ENTREP2: variants seen among roughly 807,000 people sequenced by gnomAD.
The protein encoded by ENTREP2 is endosomal transmembrane epsin interactor 2, also known as protein ENTREP2.
chr15:29,394,882 C>CTTT, the ENTREP2 span, among the ~76,000 whole-genome samples: 89 of 95,776 alleles, frequency 9.3e-4, no homozygotes, highest in East Asian at 5.6e-3. Context: ...GTCAGAATCT[C>CTTT]TTTTTTTTTT....
chr15:29,463,986 A>G, the ENTREP2 span, among the ~76,000 whole-genome samples: 1 of 152,218 alleles, frequency 6.6e-6, no homozygotes. Context: ...GATGCCACTC[A>G]TATGAGTTGC....
the ENTREP2 span, among the ~76,000 whole-genome samples, chr15:29,320,834 CAAGA>C: frequency 2.6e-5 from 4 of 151,746 alleles, no homozygotes; most frequent in South Asian, 8.3e-4. Context: ...AACTAAAGTG[CAAGA>C]AAGAATGAGA....
At chr15:29,543,432 G>A in the ENTREP2 span, among the ~76,000 whole-genome samples, 5 of 152,150 alleles carry the variant, frequency 3.3e-5, no homozygotes, top group Non-Finnish European at 5.9e-5. Flanking sequence ...ATGTTTGATG[G>A]GAGAATTTTT....
the ENTREP2 span, among the ~76,000 whole-genome samples, chr15:29,456,227 T>C: frequency 6.6e-6 from 1 of 152,154 alleles, no homozygotes; most frequent in East Asian, 1.9e-4. Context: ...TGGTATAGTA[T>C]TAATAGTAAA....
At chr15:29,671,742 A>T in the ENTREP2 span, among the ~76,000 whole-genome samples, 1 of 152,074 alleles carries the variant, frequency 6.6e-6, no homozygotes, top group Non-Finnish European at 1.5e-5. Context: ...TGAGCCACTC[A>T]TTTCCCCTGA....
chr15:29,540,888 C>T, the ENTREP2 span, among the ~76,000 whole-genome samples: 1 of 152,202 alleles, frequency 6.6e-6, no homozygotes, highest in African/African-American at 2.4e-5. Context: ...GAAAAGCAGA[C>T]AAGTTAGTCC....
chr15:29,154,683 G>C, the ENTREP2 span, among the ~76,000 whole-genome samples: 1 of 152,212 alleles, frequency 6.6e-6, no homozygotes, highest in African/African-American at 2.4e-5. Context: ...CTGTGCGTGT[G>C]CTAGGATGTG....
the ENTREP2 span, among the ~76,000 whole-genome samples, chr15:29,502,741 C>T: frequency 2.6e-5 from 4 of 151,852 alleles, no homozygotes; most frequent in Admixed American, 6.6e-5. Flanking sequence ...TAGCATTCAA[C>T]GACAAGAAGT....
At chr15:29,385,802 T>C in the ENTREP2 span, among the ~76,000 whole-genome samples, 2 of 152,108 alleles carry the variant, frequency 1.3e-5, no homozygotes, top group Non-Finnish European at 1.5e-5. Context: ...TGCCCAAATG[T>C]TGCATCTTCC....
chr15:29,216,557 T>C, the ENTREP2 span, among the ~76,000 whole-genome samples: 2 of 152,202 alleles, frequency 1.3e-5, no homozygotes, highest in Non-Finnish European at 2.9e-5. Flanking sequence ...CCCCCAAATA[T>C]GTTTTCCAAG....
At chr15:29,339,494 A>T in the ENTREP2 span, among the ~76,000 whole-genome samples, 1 of 152,248 alleles carries the variant, frequency 6.6e-6, no homozygotes, top group African/African-American at 2.4e-5. Context: ...AAGTGAAGAC[A>T]GAAAGAAAAT....
At chr15:29,364,751 T>G in the ENTREP2 span, among the ~76,000 whole-genome samples, 1 of 152,144 alleles carries the variant, frequency 6.6e-6, no homozygotes, top group Admixed American at 6.5e-5. Context: ...TAAAATTTTT[T>G]TAGTTGACTT....
chr15:29,647,415 TAAGA>T, the ENTREP2 span, among the ~76,000 whole-genome samples: 1 of 152,178 alleles, frequency 6.6e-6, no homozygotes, highest in African/African-American at 2.4e-5. Context: ...GTTCAAGACT[TAAGA>T]AACATTCCTA....
the ENTREP2 span, among the ~76,000 whole-genome samples, chr15:29,630,394 G>T: frequency 3.3e-5 from 5 of 152,038 alleles, no homozygotes; most frequent in Non-Finnish European, 7.4e-5. Flanking sequence ...GCTTTCAATT[G>T]TGTTTTTTGG....
chr15:29,661,913 T>C, the ENTREP2 span, among the ~76,000 whole-genome samples: 2 of 152,090 alleles, frequency 1.3e-5, no homozygotes, highest in African/African-American at 4.8e-5. Flanking sequence ...AGAAAACTAT[T>C]TACTTAAAGA....
chr15:29,281,467 GA>G, the ENTREP2 span, among the ~76,000 whole-genome samples: 12,349 of 152,146 alleles, frequency 0.081, 1,701 homozygotes, highest in African/African-American at 0.28. Flanking sequence ...AGGAAAAAAA[GA>G]AGGAAAACTT....
At chr15:29,378,623 C>T in the ENTREP2 span, among the ~76,000 whole-genome samples, 1 of 152,330 alleles carries the variant, frequency 6.6e-6, no homozygotes, top group Non-Finnish European at 1.5e-5. Context: ...CAGGCTAAAG[C>T]TGCAGCCTCA....
chr15:29,123,667 G>C, the ENTREP2 span: 1 of 1,544,010 alleles, frequency 6.5e-7, no homozygotes, highest in African/African-American at 1.4e-5. Context: ...TAAAAATCAA[G>C]GGCAAAAGTG....
At chr15:29,421,252 C>G in the ENTREP2 span, among the ~76,000 whole-genome samples, 1 of 152,202 alleles carries the variant, frequency 6.6e-6, no homozygotes, top group East Asian at 1.9e-4. Flanking sequence ...ACATACCACT[C>G]TACACAGCTC....
Sources: allele counts gnomAD v4.1 joint callset (sites outside exome capture counted in the v4.1 genomes callset), GRCh38; gene constraint gnomAD v4.1.1; transcripts MANE v1.5; gene names NCBI Gene and HGNC (gene_info 2026-07-23, HGNC 2026-07-21).